Variants in DIP2C observed in about 807,000 individuals in gnomAD.
DIP2C encodes disco-interacting protein 2 homolog C.
DIP2C carries 33 observed loss-of-function variants against 192.4 expected under a neutral mutation model. That is an observed-to-expected ratio of 0.17 (90% CI 0.13 to 0.23). DIP2C has a LOEUF of 0.23. Ranked by LOEUF, DIP2C falls within the 10% of genes least tolerant of loss-of-function variation. DIP2C has a pLI of 1.00. For missense variants in DIP2C, 1,537 were observed against 2,110.1 expected (o/e 0.73, Z 5.32); for synonymous variants, 979 against 864.1 (o/e 1.13, Z -2.33).
intron 2 of DIP2C, among the ~76,000 whole-genome samples, chr10:476,752 C>T (rs948199035): frequency 1.3e-5 from 2 of 152,176 alleles, no homozygotes; most frequent in African/African-American, 4.8e-5. Context: ...AGAACAAAAT[C>T]TGGCTTGTTT....
chr10:596,658 A>G (rs958439698), intron 1 of DIP2C, among the ~76,000 whole-genome samples: 1 of 152,160 alleles, frequency 6.6e-6, no homozygotes, highest in Non-Finnish European at 1.5e-5. Flanking sequence ...AGAAGGCTGC[A>G]CCCCAAGGAA....
At chr10:480,028 C>CA (rs1438037646) in intron 2 of DIP2C, among the ~76,000 whole-genome samples, 1 of 141,306 alleles carries the variant, frequency 7.1e-6, no homozygotes, top group Non-Finnish European at 1.5e-5. Flanking sequence ...GATGAGGGTT[C>CA]TCATCCGGCA....
chr10:448,473 T>G (rs928097274), intron 3 of DIP2C, among the ~76,000 whole-genome samples: 36 of 73,862 alleles, frequency 4.9e-4, no homozygotes, highest in African/African-American at 5.0e-4. Context: ...CATCCCCGTC[T>G]ATACTCAGGA....
intron 1 of DIP2C, 169 bp from the exon 2 acceptor site, chr10:486,699 G>A (rs1036638431): frequency 4.1e-6 from 2 of 485,748 alleles, no homozygotes; most frequent in East Asian, 3.4e-5. Flanking sequence ...CCCTGCTCTC[G>A]AACAAAAGCC....
intron 24 of DIP2C, among the ~76,000 whole-genome samples, chr10:350,937 T>G (rs944867958): frequency 6.6e-6 from 1 of 152,168 alleles, no homozygotes; most frequent in African/African-American, 2.4e-5. Flanking sequence ...TGAGCCATCA[T>G]GCCCAGCCCA....
chr10:532,512 A>T (rs1847428718), intron 1 of DIP2C, among the ~76,000 whole-genome samples: 1 of 151,472 alleles, frequency 6.6e-6, no homozygotes, highest in African/African-American at 2.4e-5. Flanking sequence ...TAGAATTGGT[A>T]TTTTGTGTGG....
intron 2 of DIP2C, among the ~76,000 whole-genome samples, chr10:475,319 T>G (rs1314598029): frequency 1.3e-5 from 2 of 152,264 alleles, no homozygotes; most frequent in Non-Finnish European, 2.9e-5. Context: ...TCTCTTGTGC[T>G]GTGGACTTAT....
intron 1 of DIP2C, among the ~76,000 whole-genome samples, chr10:499,658 C>CCA: frequency 6.6e-6 from 1 of 152,302 alleles, no homozygotes; most frequent in Middle Eastern, 3.4e-3. Flanking sequence ...GTGAGATCTC[C>CCA]CAATCGCGAG....
At chr10:306,348 C>A (rs1032661717) in intron 32 of DIP2C, among the ~76,000 whole-genome samples, 10 of 151,984 alleles carry the variant, frequency 6.6e-5, no homozygotes, top group Non-Finnish European at 1.2e-4. Flanking sequence ...TGGCTAATAC[C>A]CCTGTTCGAC....
intron 1 of DIP2C, among the ~76,000 whole-genome samples, chr10:673,300 C>T (rs1830734067): frequency 6.6e-6 from 1 of 152,192 alleles, no homozygotes; most frequent in African/African-American, 2.4e-5. Flanking sequence ...AATTCCTAAC[C>T]ATTTGAAACC....
chr10:387,331 G>A (rs533913100), intron 14 of DIP2C, among the ~76,000 whole-genome samples: 3 of 152,300 alleles, frequency 2.0e-5, no homozygotes, highest in East Asian at 1.9e-4. Flanking sequence ...GGACAACCTC[G>A]GTCTTCTAAC....
chr10:357,689 G>A (rs1959151262), intron 23 of DIP2C, 139 bp downstream of exon 23: 1 of 617,804 alleles, frequency 1.6e-6, no homozygotes, highest in Admixed American at 2.8e-5. Flanking sequence ...GTCGGGGACG[G>A]TTGCGGACAG....
At chr10:674,511 T>C (rs1036663576) in intron 1 of DIP2C, among the ~76,000 whole-genome samples, 5 of 151,978 alleles carry the variant, frequency 3.3e-5, no homozygotes, top group Non-Finnish European at 5.9e-5. Flanking sequence ...GCCTCACACC[T>C]GTAATCCCAG....
At chr10:448,645 T>C (rs1589820471) in intron 3 of DIP2C, among the ~76,000 whole-genome samples, 1 of 105,330 alleles carries the variant, frequency 9.5e-6, no homozygotes, top group African/African-American at 5.3e-5. Context: ...TCACACACAG[T>C]GGGGCAAGCA....
intron 6 of DIP2C, 136 bp from the exon 7 acceptor site, chr10:416,024 C>A: frequency 7.5e-7 from 1 of 1,341,820 alleles, no homozygotes; most frequent in Non-Finnish European, 1.0e-6. Context: ...TGGGAAGGGC[C>A]CGAGGTGATC....
chr10:550,595 C>T (rs1479317890), intron 1 of DIP2C, among the ~76,000 whole-genome samples: 6 of 152,166 alleles, frequency 3.9e-5, no homozygotes, highest in African/African-American at 1.4e-4. Flanking sequence ...TGTGACCTCC[C>T]AGAAGCTCTT....
intron 3 of DIP2C, among the ~76,000 whole-genome samples, chr10:463,417 A>G (rs1055011485): frequency 1.3e-5 from 2 of 152,202 alleles, no homozygotes; most frequent in Non-Finnish European, 2.9e-5. Flanking sequence ...AGAATAAAAT[A>G]CCTAGGAATA....
chr10:548,442 T>TGGAGGGATGGAGGGAG (rs1848413454), intron 1 of DIP2C, among the ~76,000 whole-genome samples: 1 of 58,068 alleles, frequency 1.7e-5, no homozygotes, highest in Non-Finnish European at 3.5e-5. Flanking sequence ...GCCACCGGGA[T>TGGAGGGATGGAGGGAG]GGAGGGAGGG....
intron 1 of DIP2C, chr10:650,523 G>C (rs1588678614): frequency 1.5e-6 from 1 of 681,790 alleles, no homozygotes; most frequent in East Asian, 2.7e-5. Flanking sequence ...TGCCCCAGCT[G>C]GTCCCCCCAT....
Sources: gnomAD v4.1 joint callset for allele counts (sites outside exome capture counted in the v4.1 genomes callset) on GRCh38, gnomAD v4.1.1 for gene constraint, MANE v1.5 for transcripts, NCBI Gene and HGNC (gene_info 2026-07-23, HGNC 2026-07-21) for gene names.